The following GCNT1 variants were observed in gnomAD, a reference collection of about 807,000 sequenced individuals.
GCNT1 encodes beta-1,3-galactosyl-O-glycosyl-glycoprotein beta-1,6-N-acetylglucosaminyltransferase.
GCNT1 carries 16 observed loss-of-function variants against 26.2 expected under a neutral mutation model. The observed-to-expected ratio is 0.61, with a 90% CI of 0.41 to 0.93. The LOEUF (loss-of-function observed/expected upper bound fraction) is 0.93. GCNT1 is among the 40% of genes least tolerant of loss of function. GCNT1 has a pLI of 0.00. For synonymous variants in GCNT1, 183 were observed against 190.8 expected (o/e 0.96, Z 0.34); for missense variants, 477 against 526.7 (o/e 0.91, Z 0.92).
chr9:76,409,869 T>C, the GCNT1 span, among the ~76,000 whole-genome samples: 1 of 152,178 alleles, frequency 6.6e-6, no homozygotes, highest in East Asian at 1.9e-4. Context: ...TTTAGATATT[T>C]TTTCCTATCC....
intron 2 of GCNT1, among the ~76,000 whole-genome samples, chr9:76,478,711 C>G (rs12345685): frequency 0.082 from 12,492 of 152,272 alleles, 842 homozygotes; most frequent in African/African-American, 0.19. Flanking sequence ...GGATATACCA[C>G]ATCTTGTTTA....
chr9:76,413,951 A>G, the GCNT1 span, among the ~76,000 whole-genome samples: 2 of 152,078 alleles, frequency 1.3e-5, no homozygotes, highest in South Asian at 4.1e-4. Flanking sequence ...CACATTCTCA[A>G]GATCAGTGAT....
the GCNT1 span, chr9:76,394,056 C>T: frequency 3.5e-5 from 55 of 1,557,856 alleles, no homozygotes; most frequent in Non-Finnish European, 4.5e-5. Flanking sequence ...CCCACGTGAC[C>T]CGGCCCGGGG....
At chr9:76,396,883 A>G in the GCNT1 span, among the ~76,000 whole-genome samples, 2 of 152,164 alleles carry the variant, frequency 1.3e-5, no homozygotes, top group African/African-American at 4.8e-5. Flanking sequence ...GCTACTTGGG[A>G]AACTGAGGAG....
upstream of GCNT1, among the ~76,000 whole-genome samples, chr9:76,439,381 C>T (rs147031983): frequency 3.9e-5 from 6 of 151,948 alleles, no homozygotes; most frequent in East Asian, 5.8e-4. Context: ...CGTGGCACCA[C>T]GCCAGGCTAA....
chr9:76,483,835 G>T (rs1001819879), intron 2 of GCNT1, among the ~76,000 whole-genome samples: 1 of 151,934 alleles, frequency 6.6e-6, no homozygotes, highest in Non-Finnish European at 1.5e-5. Context: ...TTTGTCGTGT[G>T]TGTGTATTTT....
chr9:76,436,759 G>A (rs928524039), upstream of GCNT1, among the ~76,000 whole-genome samples: 1 of 152,134 alleles, frequency 6.6e-6, no homozygotes, highest in East Asian at 1.9e-4. Flanking sequence ...ACCTAATATA[G>A]GAAGTAAAGG....
intron 2 of GCNT1, among the ~76,000 whole-genome samples, chr9:76,487,271 T>A (rs192523152): frequency 6.6e-6 from 1 of 152,294 alleles, no homozygotes; most frequent in Admixed American, 6.5e-5. Context: ...GCTCCCTCAC[T>A]TGGGTCACAG....
chr9:76,498,538 C>T (rs1213346689), intron 2 of GCNT1, among the ~76,000 whole-genome samples: 1 of 152,012 alleles, frequency 6.6e-6, no homozygotes, highest in Non-Finnish European at 1.5e-5. Flanking sequence ...TTTAGGAGGC[C>T]AAGGCAGGCA....
At chr9:76,460,305 T>C (rs1324665983) in intron 2 of GCNT1, 128 bp downstream of exon 2, 2 of 151,994 alleles carry the variant, frequency 1.3e-5, no homozygotes, top group African/African-American at 2.4e-5. Context: ...AAGAGGCCAA[T>C]TGGGAAGATA....
intron 1 of GCNT1, among the ~76,000 whole-genome samples, chr9:76,426,629 GT>G (rs1823260763): frequency 6.6e-6 from 1 of 152,134 alleles, no homozygotes. Flanking sequence ...GGGAGTGGTG[GT>G]TCACGCCTGT....
At chr9:76,405,382 G>A in the GCNT1 span, among the ~76,000 whole-genome samples, 2 of 152,032 alleles carry the variant, frequency 1.3e-5, no homozygotes, top group East Asian at 3.9e-4. Flanking sequence ...TGATATATGT[G>A]CATTGATGTA....
At chr9:76,415,984 T>C (rs1384722878), upstream of GCNT1, among the ~76,000 whole-genome samples, 2 of 152,156 alleles carry the variant, frequency 1.3e-5, no homozygotes, top group Non-Finnish European at 2.9e-5. Context: ...AGGGAAATAC[T>C]GAATAGAAGA....
intron 2 of GCNT1, among the ~76,000 whole-genome samples, chr9:76,470,366 G>A (rs1824101844): frequency 6.6e-6 from 1 of 152,100 alleles, no homozygotes; most frequent in Admixed American, 6.5e-5. Context: ...CACTTTGGGA[G>A]GTCGAGGCAG....
At chr9:76,473,778 T>G (rs1306808702) in intron 2 of GCNT1, among the ~76,000 whole-genome samples, 1 of 152,186 alleles carries the variant, frequency 6.6e-6, no homozygotes, top group African/African-American at 2.4e-5. Flanking sequence ...CACTGTACTC[T>G]TCTGTGTCTC....
chr9:76,478,074 C>G (rs1824298174), intron 2 of GCNT1, among the ~76,000 whole-genome samples: 1 of 152,128 alleles, frequency 6.6e-6, no homozygotes, highest in African/African-American at 2.4e-5. Context: ...GTAAAATGGA[C>G]CAATCAGTGC....
upstream of GCNT1, among the ~76,000 whole-genome samples, chr9:76,414,917 A>C (rs1211263958): frequency 6.6e-6 from 1 of 152,000 alleles, no homozygotes; most frequent in Non-Finnish European, 1.5e-5. Flanking sequence ...AGAATGCCTA[A>C]CCTCCTGGGA....
In GCNT1 at chr9:76,502,469, T is replaced by C; in HGVS notation, c.88T>C (p.Ser30Pro). Residue 30 changes from serine to proline, a missense_variant, in exon 4 of 4, where the codon TCC becomes CCC. Coordinates refer to ENST00000376730, the MANE Select transcript of GCNT1 (RefSeq NM_001490.5). ...MVLVLSLITF[S>P]VLRIHQKPEF... ...TCTTGTTTTATCCCTAATCACCTTC[T>C]CCGTTTTAAGGATTCATCAAAAGCC... is the stretch of plus-strand genomic sequence containing the variant. 1 of 1,613,636 alleles carries C rather than the reference T, an allele frequency of 6.2e-7. No homozygotes were observed. The highest frequency in any genetic ancestry group is 8.5e-7 in the Non-Finnish European group (1 of 1,179,574).
the GCNT1 span, among the ~76,000 whole-genome samples, chr9:76,409,243 A>G: frequency 1.4e-4 from 21 of 152,120 alleles, no homozygotes; most frequent in African/African-American, 5.1e-4. Context: ...AGAGAGTTTC[A>G]TATTTCTTTA....
Sources: gnomAD v4.1 joint callset for allele counts (sites outside exome capture counted in the v4.1 genomes callset) on GRCh38, gnomAD v4.1.1 for gene constraint, MANE v1.5 for transcripts, NCBI Gene and HGNC (gene_info 2026-07-23, HGNC 2026-07-21) for gene names.